Variants in RARB observed in about 807,000 individuals in gnomAD.
RARB encodes the protein HBV-activated protein.
A neutral mutation model predicts 51.9 loss-of-function variants in RARB; 17 were observed. The ratio of observed to expected loss-of-function variants is 0.33; its 90% CI spans 0.22 to 0.49. The LOEUF is 0.49. Among genes scored for constraint, RARB ranks in the 20% least tolerant of loss-of-function variants. RARB has a pLI of 0.99. For synonymous variants in RARB, 215 were observed against 195.4 expected (o/e 1.10, Z -0.84); for missense variants, 369 against 550.8 (o/e 0.67, Z 3.30).
At chr3:25,418,969 A>G (rs1255085133) in intron 5 of RARB, among the ~76,000 whole-genome samples, 3 of 152,104 alleles carry the variant, frequency 2.0e-5, no homozygotes, top group Non-Finnish European at 4.4e-5. Context: ...GCATATAAAA[A>G]TTGATTTAAT....
chr3:25,423,073 AT>A (rs1192038286), intron 5 of RARB, among the ~76,000 whole-genome samples: 1 of 152,232 alleles, frequency 6.6e-6, no homozygotes, highest in African/African-American at 2.4e-5. Context: ...AGCCTAAAAT[AT>A]TTCCAGTGGC....
intron 5 of RARB, among the ~76,000 whole-genome samples, chr3:25,190,912 A>G (rs1357734823): frequency 6.6e-6 from 1 of 152,154 alleles, no homozygotes; most frequent in African/African-American, 2.4e-5. Flanking sequence ...AACTTGTGCT[A>G]AATCAAGTCA....
intron 2 of RARB, among the ~76,000 whole-genome samples, chr3:25,020,754 T>C (rs955768185): frequency 2.6e-5 from 4 of 152,134 alleles, no homozygotes; most frequent in African/African-American, 9.7e-5. Flanking sequence ...AAGTCACATA[T>C]CCTGATATTT....
intron 5 of RARB, among the ~76,000 whole-genome samples, chr3:25,224,509 G>A (rs1288739508): frequency 1.3e-5 from 2 of 152,174 alleles, no homozygotes; most frequent in African/African-American, 4.8e-5. Flanking sequence ...TGCCTTAAAT[G>A]AAACCTTTGG....
intron 2 of RARB, among the ~76,000 whole-genome samples, chr3:24,884,961 C>T (rs778377625): frequency 1.1e-4 from 16 of 152,052 alleles, no homozygotes; most frequent in Admixed American, 2.0e-4. Flanking sequence ...ATAACAACTG[C>T]GTATTCAAAA....
chr3:25,057,412 A>C (rs1698462244), intron 2 of RARB, among the ~76,000 whole-genome samples: 1 of 152,068 alleles, frequency 6.6e-6, no homozygotes, highest in Non-Finnish European at 1.5e-5. Context: ...TAAAATTCAA[A>C]ACAAAATACT....
chr3:24,849,839 A>G (rs1269211033), intron 1 of RARB, among the ~76,000 whole-genome samples: 1 of 152,232 alleles, frequency 6.6e-6, no homozygotes, highest in Non-Finnish European at 1.5e-5. Flanking sequence ...TACTTGGCTT[A>G]GTGTAGATGG....
intron 2 of RARB, among the ~76,000 whole-genome samples, chr3:25,025,373 T>C (rs1697725130): frequency 6.6e-6 from 1 of 152,194 alleles, no homozygotes; most frequent in African/African-American, 2.4e-5. Flanking sequence ...ACATATTAAG[T>C]AATGTCTATA....
chr3:25,500,487 T>TTTTTTTTTTTTTTTTTTTTTTTTTTTTA (rs1697259734), intron 2 of RARB, among the ~76,000 whole-genome samples: 1 of 144,420 alleles, frequency 6.9e-6, no homozygotes, highest in African/African-American at 2.6e-5. Context: ...TTTTTGGTTG[T>TTTTTTTTTTTTTTTTTTTTTTTTTTTTA]TGTTGTTGTT....
At chr3:25,467,154 G>A (rs1559417903) in intron 2 of RARB, among the ~76,000 whole-genome samples, 1 of 152,182 alleles carries the variant, frequency 6.6e-6, no homozygotes, top group Non-Finnish European at 1.5e-5. Flanking sequence ...GAAATTAGAA[G>A]TATCCAGGTA....
At chr3:24,885,607 A>C (rs538954858) in intron 2 of RARB, among the ~76,000 whole-genome samples, 3 of 152,318 alleles carry the variant, frequency 2.0e-5, no homozygotes, top group South Asian at 4.1e-4. Context: ...ATTTTTATGA[A>C]GAATACCTGG....
chr3:25,593,579 C>T lies in RARB; in HGVS notation c.863C>T (p.Thr288Ile). ...TCAGACGGCCTTACCCTAAATCGAA[C>T]TCAGATGCACAATGCTGGATTTGGT... Reference protein sequence around the residue: ...TFSDGLTLNRTQMHNAGFGPL... With the variant: ...TFSDGLTLNRIQMHNAGFGPL... Residue 288 changes from threonine to isoleucine, a missense_variant, in exon 6 of 8, where the codon ACT (threonine) becomes ATT (isoleucine). By Grantham distance (89) the Thr-to-Ile change is moderately conservative. This residue lies in a region of RARB where 76 missense variants were observed against 153.3 expected (regional missense o/e 0.50). Transcript: ENST00000330688. 1 of 1,614,054 alleles carries T rather than the reference C, an allele frequency of 6.2e-7. No homozygotes were observed.
intron 5 of RARB, among the ~76,000 whole-genome samples, chr3:25,199,236 C>G (rs1292149339): frequency 6.6e-6 from 1 of 151,236 alleles, no homozygotes; most frequent in Non-Finnish European, 1.5e-5. Context: ...TTTGAGGGAG[C>G]TAAAAATTAA....
chr3:24,837,340 G>A (rs1702358105), intron 1 of RARB, among the ~76,000 whole-genome samples: 2 of 152,188 alleles, frequency 1.3e-5, no homozygotes, highest in Admixed American at 1.3e-4. Context: ...AGTGAAATAA[G>A]GCTTAGTACT....
chr3:25,044,654 T>C (rs912529426), intron 2 of RARB, among the ~76,000 whole-genome samples: 12 of 152,224 alleles, frequency 7.9e-5, no homozygotes, highest in Non-Finnish European at 1.6e-4. Flanking sequence ...TGTGTCTCTC[T>C]TGTTCCCTGC....
At chr3:25,468,023 G>A (rs779806448) in intron 2 of RARB, among the ~76,000 whole-genome samples, 6 of 152,166 alleles carry the variant, frequency 3.9e-5, no homozygotes, top group Admixed American at 3.9e-4. Context: ...GGGGTCAGGT[G>A]GGATCTCATG....
chr3:25,002,401 C>A (rs1454481949), intron 2 of RARB, among the ~76,000 whole-genome samples: 1 of 152,096 alleles, frequency 6.6e-6, no homozygotes, highest in Non-Finnish European at 1.5e-5. Context: ...ATGGGAAACT[C>A]TCATGAAAGA....
chr3:25,019,882 C>A (rs1697590892), intron 2 of RARB, among the ~76,000 whole-genome samples: 1 of 152,076 alleles, frequency 6.6e-6, no homozygotes, highest in African/African-American at 2.4e-5. Context: ...TCATAGGCAG[C>A]AGGGAGCTTG....
chr3:25,142,089 T>C (rs1700115823), intron 4 of RARB, among the ~76,000 whole-genome samples: 1 of 152,170 alleles, frequency 6.6e-6, no homozygotes, highest in African/African-American at 2.4e-5. Flanking sequence ...GCCAACACTT[T>C]GGGAGGATGA....
Sources: allele counts gnomAD v4.1 joint callset (sites outside exome capture counted in the v4.1 genomes callset), GRCh38; gene constraint gnomAD v4.1.1; regional missense constraint gnomAD v4.1.1; transcripts MANE v1.5; gene names NCBI Gene and HGNC (gene_info 2026-07-23, HGNC 2026-07-21).